Variants in NARF observed in about 807,000 individuals in gnomAD.
NARF encodes nuclear prelamin A recognition factor, also known as iron-only hydrogenase-like protein 2.
In NARF, 41 loss-of-function variants were observed where a neutral mutation model predicts 48.0. The observed-to-expected ratio is 0.85, with a 90% CI of 0.66 to 1.11. The LOEUF (loss-of-function observed/expected upper bound fraction) is 1.11, where lower values mean the gene tolerates loss of function less well. NARF is among the 50% of genes least tolerant of loss of function. The pLI is 0.00. For synonymous variants in NARF, 215 were observed against 225.5 expected, an observed-to-expected ratio of 0.95 and a Z score of 0.42; for missense variants, 613 against 590.2, an observed-to-expected ratio of 1.04 and a Z score of -0.40.
At position 82,479,605 on chromosome 17, in the gene NARF, C is replaced by G. The variant is rs150496213; in HGVS notation, c.639+687C>G. On this transcript the variant is annotated intron_variant, in intron 6 of 10. Coordinates refer to ENST00000309794, the MANE Select transcript of NARF (RefSeq NM_012336.4). Reference sequence around the variant, plus strand: ...TTTATTCTCCAGCCGCTGGCATGCCCCACACTGCTCTTCTCAATCAGACTT... The same window carrying G: ...TTTATTCTCCAGCCGCTGGCATGCCGCACACTGCTCTTCTCAATCAGACTT... Among the ~76,000 whole-genome samples, 588 of 152,316 alleles carry G rather than the reference C, an allele frequency of 3.9e-3. 6 individuals carry two copies. Among genetic ancestry groups the G allele is most frequent in the African/African-American group, 0.014 (571 of 41,570 alleles).
intron 5 of NARF, chr17:82,476,972 C>G (rs1344237596): frequency 6.6e-6 from 1 of 151,838 alleles, no homozygotes; most frequent in Non-Finnish European, 1.5e-5. Flanking sequence ...CTCAGGTGAT[C>G]CACCCGCCTC....
At chr17:82,483,526 C>A in intron 7 of NARF, 190 bp from the exon 8 acceptor site, 1 of 565,734 alleles carries the variant, frequency 1.8e-6, no homozygotes. Context: ...GAATTGAATT[C>A]TGCTTACGTT....
In NARF at chr17:82,481,351, G is replaced by C. The variant is rs1369694919; in HGVS notation, c.769+140G>C. On this transcript the variant is annotated intron_variant, in intron 7 of 10. Coordinates refer to ENST00000309794, the MANE Select transcript of NARF (RefSeq NM_012336.4). ...CGCTTGTCTGAAGTTACTGACAGCT[G>C]AGGGTCCTAGGGGCTTAACTGCAGG... 5 of 1,314,804 alleles carry C rather than the reference G, an allele frequency of 3.8e-6. No homozygotes were observed. The East Asian group carries it at 1.2e-4, about 31-fold the overall frequency. 81.4% of individuals were successfully genotyped at this position (1,314,804 alleles called of 1,614,324 possible).
At position 82,488,011 on chromosome 17, in the gene NARF, G is replaced by A. The variant is rs766568199; in HGVS notation, c.1225G>A (p.Val409Met). 1.2e-6 allele frequency: 2 copies of A among 1,614,116 alleles called. No homozygotes were observed. Among genetic ancestry groups the A allele is most frequent in the East Asian group, 4.5e-5 (2 of 44,902 alleles). The change falls in exon 11 of 11, where the codon GTG (valine) becomes ATG (methionine). Residue 409 changes from valine to methionine, a missense_variant. Coordinates refer to ENST00000309794, the MANE Select transcript of NARF (RefSeq NM_012336.4). Reference sequence around the variant, plus strand: ...GGAAGGCATTTACGCTGACATCCCTGTGCGGCGTCCGGAGTCCAGTGCACA... The same window carrying A: ...GGAAGGCATTTACGCTGACATCCCTATGCGGCGTCCGGAGTCCAGTGCACA... Reference protein sequence around the residue: ...QMEGIYADIPVRRPESSAHVQ... With the variant: ...QMEGIYADIPMRRPESSAHVQ...
chr17:82,482,878 C>T (rs1380394139), intron 7 of NARF: 3 of 151,862 alleles, frequency 2.0e-5, no homozygotes, highest in Admixed American at 1.3e-4. Context: ...CTACAACCTC[C>T]GCGCCTCCTA....
At chr17:82,474,580 A>G (rs552852804) in intron 5 of NARF, among the ~76,000 whole-genome samples, 72 of 152,352 alleles carry the variant, frequency 4.7e-4, no homozygotes, top group Non-Finnish European at 8.4e-4. Context: ...TATAATTTTT[A>G]GGGTTTGGTT....
At position 82,474,753 on chromosome 17, in the gene NARF, T is replaced by A. The variant is rs1012177379; in HGVS notation, c.520+2055T>A. ...TTACTCTCTAGCCATTTATAAAATA[T>A]AAAGAGGAAATTTACCATCTGTTCC... On this transcript the variant is annotated intron_variant, in intron 5 of 10. Transcript: ENST00000309794. Among the ~76,000 whole-genome samples the A allele has an allele frequency of 8.5e-5, 13 of 152,286 alleles. No individual in the cohort carries two copies. In the East Asian group the frequency reaches 2.1e-3, roughly 25 times the overall value.
At chr17:82,485,820 T>C (rs2044084059) in intron 10 of NARF, among the ~76,000 whole-genome samples, 166 bp downstream of exon 10, 2 of 152,224 alleles carry the variant, frequency 1.3e-5, no homozygotes, top group African/African-American at 4.8e-5. Context: ...TGGGACATTC[T>C]AGGCTCCATT....
chr17:82,473,476 G>A (rs1459074964), intron 5 of NARF, among the ~76,000 whole-genome samples: 1 of 151,928 alleles, frequency 6.6e-6, no homozygotes, highest in Non-Finnish European at 1.5e-5. Flanking sequence ...ACCCTCCCGA[G>A]TAGCTGGGAC....
intron 4 of NARF, among the ~76,000 whole-genome samples, chr17:82,469,898 C>G (rs1179478501): frequency 6.6e-6 from 1 of 151,780 alleles, no homozygotes; most frequent in Non-Finnish European, 1.5e-5. Context: ...GCCACCGTGC[C>G]TGGCCAAGAG....
At position 82,481,037 on chromosome 17, in the gene NARF, G is replaced by A. The variant is rs376606468; in HGVS notation, c.640-45G>A. Reference sequence around the variant, plus strand: ...TTCTGGGCACCAAGCGTAAGCTGCCGTCACCTCTTCACCAGCCCTAAATAT... The same window carrying A: ...TTCTGGGCACCAAGCGTAAGCTGCCATCACCTCTTCACCAGCCCTAAATAT... On this transcript the variant is annotated intron_variant, in intron 6 of 10. Coordinates refer to ENST00000309794, the MANE Select transcript of NARF (RefSeq NM_012336.4). The A allele has an allele frequency of 3.3e-5, 53 of 1,611,224 alleles. 1 individual carries two copies. The highest frequency in any genetic ancestry group is 2.4e-4 in the African/African-American group (18 of 74,828).
At chr17:82,482,260 A>G (rs1203301130) in intron 7 of NARF, 2 of 434,386 alleles carry the variant, frequency 4.6e-6, no homozygotes, top group African/African-American at 4.2e-5. Flanking sequence ...AAATTCTAGC[A>G]CGCAGACGCC....
At chr17:82,479,080 ACCAACG>A (rs1411421028) in intron 6 of NARF, 162 bp downstream of exon 6, 1 of 581,694 alleles carries the variant, frequency 1.7e-6, no homozygotes, top group Admixed American at 3.3e-5. Context: ...GCTGTTTCTC[ACCAACG>A]CCCGTCTCTA....
At chr17:82,478,711 C>T in intron 5 of NARF, 89 bp from the exon 6 acceptor site, 1 of 1,311,538 alleles carries the variant, frequency 7.6e-7, no homozygotes, top group Non-Finnish European at 1.1e-6. Flanking sequence ...CCTGGGGCGG[C>T]AGGGACTCGA....
In NARF at chr17:82,488,261, C is replaced by A. The variant is rs890342675; in HGVS notation, c.*104C>A. 2.0e-6 allele frequency: 3 copies of A among 1,480,686 alleles called. No homozygotes were observed. The highest frequency in any genetic ancestry group is 2.7e-6 in the Non-Finnish European group (3 of 1,115,732). 91.7% of individuals were successfully genotyped at this position (1,480,686 alleles called of 1,614,324 possible). On this transcript the variant is annotated 3_prime_UTR_variant, in exon 11 of 11. Coordinates refer to ENST00000309794, the MANE Select transcript of NARF (RefSeq NM_012336.4). ...GAGTATTAAAGACACTTAAGAAAAC[C>A]GCTCAATGGATTACTTTGGTTTCTC...
At chr17:82,471,264 G>A (rs544183525) in intron 4 of NARF, among the ~76,000 whole-genome samples, 144 of 151,504 alleles carry the variant, frequency 9.5e-4, no homozygotes, top group African/African-American at 3.3e-3. Context: ...GACCATCCTG[G>A]CTAACGCAGT....
intron 5 of NARF, among the ~76,000 whole-genome samples, chr17:82,474,440 A>C (rs1291960608): frequency 6.6e-6 from 1 of 152,172 alleles, no homozygotes; most frequent in Non-Finnish European, 1.5e-5. Flanking sequence ...TGGGTTAAGA[A>C]ATCTTCGATG....
At chr17:82,467,648 G>T (rs972270225) in intron 3 of NARF, among the ~76,000 whole-genome samples, 1 of 152,022 alleles carries the variant, frequency 6.6e-6, no homozygotes, top group African/African-American at 2.4e-5. Context: ...GGGATTACAG[G>T]CACATGCCAC....
chr17:82,478,532 C>T (rs1326303717), intron 5 of NARF: 2 of 536,202 alleles, frequency 3.7e-6, no homozygotes, highest in East Asian at 4.6e-5. Flanking sequence ...TTTTGGGGGA[C>T]CTGTTACTCC....
Sources: allele counts gnomAD v4.1 joint callset (sites outside exome capture counted in the v4.1 genomes callset), GRCh38; gene constraint gnomAD v4.1.1; transcripts MANE v1.5; gene names NCBI Gene and HGNC (gene_info 2026-07-23, HGNC 2026-07-21).